The following DCLRE1A variants were observed in gnomAD, a reference collection of about 807,000 sequenced individuals.
The protein encoded by DCLRE1A is DNA cross-link repair 1A protein.
A neutral mutation model predicts 91.9 loss-of-function variants in DCLRE1A; 64 were observed. The ratio of observed to expected loss-of-function variants is 0.70; its 90% CI spans 0.57 to 0.86. The LOEUF (loss-of-function observed/expected upper bound fraction) is 0.86. DCLRE1A is among the 40% of genes least tolerant of loss of function. The probability of loss-of-function intolerance (pLI) is 0.00; values close to 1 mark genes in which losing one functional copy is unlikely to be tolerated. For missense variants in DCLRE1A, 1,145 were observed against 1,213.3 expected (o/e 0.94, Z 0.84); for synonymous variants, 416 against 431.1 (o/e 0.96, Z 0.43).
At position 113,849,389 on chromosome 10, in the gene DCLRE1A, C is replaced by A; in HGVS notation, c.1716G>T (p.Glu572Asp). 6.2e-7 allele frequency: 1 copy of A among 1,613,854 alleles called. No individual in the cohort carries two copies. The highest frequency in any genetic ancestry group is 2.2e-5 in the East Asian group (1 of 44,880). Residue 572 changes from glutamate to aspartate, a missense_variant, in exon 2 of 9, where the codon GAG becomes GAT. Transcript: ENST00000361384. The part of the protein sequence containing the change: ...YFGLPPKRKE[E>D]KLLGESALEG... ...CTAATGCACTTTCCCCTAGCAATTTCTCTTCCTTTCTTTTGGGAGGTAGTC... is the reference window on the plus strand; with the variant it reads ...CTAATGCACTTTCCCCTAGCAATTTATCTTCCTTTCTTTTGGGAGGTAGTC...
In DCLRE1A at chr10:113,845,665, A is replaced by G. The variant is rs1300823264; in HGVS notation, c.2378+20T>C. The G allele has an allele frequency of 5.7e-6, 9 of 1,582,880 alleles. No homozygotes were observed. Among genetic ancestry groups the G allele is most frequent in the African/African-American group, 1.3e-5 (1 of 74,312 alleles). ...TTGAACATTTAAAAAATGTGCTATTAAGATGACTTTAATACTTACTGATTG... is the reference window on the plus strand; with the variant it reads ...TTGAACATTTAAAAAATGTGCTATTGAGATGACTTTAATACTTACTGATTG... On this transcript the variant is annotated intron_variant, in intron 4 of 8. Transcript: ENST00000361384.
intron 7 of DCLRE1A, 101 bp downstream of exon 7, chr10:113,841,305 G>C (rs1414148356): frequency 7.4e-7 from 1 of 1,357,848 alleles, no homozygotes; most frequent in Admixed American, 2.7e-5. Context: ...TTTACTATGG[G>C]TGACTCTATT....
Position 113,849,112 on chromosome 10 carries a change from T to G in DCLRE1A, c.1993A>C (p.Asn665His). Reference sequence around the variant, plus strand: ...GTGAAGACTTTGACTTTACTTAAATTGACTGCTTCAGATTCTGTATTAATA... The same window carrying G: ...GTGAAGACTTTGACTTTACTTAAATGGACTGCTTCAGATTCTGTATTAATA... ...HLINTESEAVNLSKVKVFTKS... is the reference protein window; with the variant it reads ...HLINTESEAVHLSKVKVFTKS... Residue 665 changes from asparagine (N) to histidine (H), a missense_variant, in exon 2 of 9, where the codon AAT (asparagine) becomes CAT (histidine). Coordinates refer to ENST00000361384, the MANE Select transcript of DCLRE1A (RefSeq NM_014881.5). The G allele has an allele frequency of 1.2e-6, 2 of 1,614,166 alleles. No individual in the cohort carries two copies. The highest frequency in any genetic ancestry group is 1.7e-6 in the Non-Finnish European group (2 of 1,180,022).
At chr10:113,839,276 G>C (rs1408421085) in intron 7 of DCLRE1A, among the ~76,000 whole-genome samples, 1 of 119,444 alleles carries the variant, frequency 8.4e-6, no homozygotes, top group Non-Finnish European at 1.6e-5. Context: ...AGTGAGCCAA[G>C]ACCATGCCAC....
At position 113,837,050 on chromosome 10, in the gene DCLRE1A, T is replaced by C. The variant is rs758644867; in HGVS notation, c.2962+12A>G. 1.9e-6 allele frequency: 3 copies of C among 1,568,106 alleles called. No individual in the cohort carries two copies. In the Admixed American group the frequency reaches 6.1e-5, roughly 32 times the overall value. On this transcript the variant is annotated intron_variant, in intron 8 of 8. Transcript: ENST00000361384. Reference sequence around the variant, plus strand: ...TATAAACACTAAAAGTGAGAAAATTTAATAACTATACCATATATTGAAATG... The same window carrying C: ...TATAAACACTAAAAGTGAGAAAATTCAATAACTATACCATATATTGAAATG...
intron 6 of DCLRE1A, 65 bp downstream of exon 6, chr10:113,842,278 C>T (rs1427644408): frequency 2.3e-6 from 3 of 1,320,370 alleles, no homozygotes; most frequent in Admixed American, 4.1e-5. Context: ...ACTGAAAGGG[C>T]ATTATGCAAA....
intron 8 of DCLRE1A, among the ~76,000 whole-genome samples, chr10:113,836,290 C>T (rs1480437823): frequency 6.6e-6 from 1 of 151,960 alleles, no homozygotes; most frequent in African/African-American, 2.4e-5. Context: ...CATGCATTTC[C>T]AGAGAGTCCT....
At chr10:113,843,976 A>C in intron 5 of DCLRE1A, 128 bp downstream of exon 5, 1 of 1,317,546 alleles carries the variant, frequency 7.6e-7, no homozygotes, top group South Asian at 1.7e-5. Context: ...CATATTTTTC[A>C]AACAGCATCC....
At position 113,850,604 on chromosome 10, in the gene DCLRE1A, A is replaced by G. The variant is rs1845634017; in HGVS notation, c.501T>C (p.Phe167=). Reference sequence around the variant, plus strand: ...GGAAGTGAGTGTATCTCTTGTAATGAAAAGGAATGGTTGAGGTACACAGAA... The same window carrying G: ...GGAAGTGAGTGTATCTCTTGTAATGGAAAGGAATGGTTGAGGTACACAGAA... ...DGLLCTSTIP[F]HYKRYTHFLL... The change falls in exon 2 of 9, where the codon TTT becomes TTC. Residue 167 remains phenylalanine (F), a synonymous_variant. Coordinates refer to ENST00000361384, the MANE Select transcript of DCLRE1A (RefSeq NM_014881.5). The G allele has an allele frequency of 6.2e-7, 1 of 1,613,072 alleles. No individual in the cohort carries two copies.
chr10:113,842,214 T>C lies in DCLRE1A; in HGVS notation c.2665+129A>G, dbSNP rs1037854745. On this transcript the variant is annotated intron_variant, in intron 6 of 8. Transcript: ENST00000361384. The stretch of plus-strand genomic sequence containing the variant: ...CAAACTGTCAAATTTTCCTTCAACT[T>C]CAAAGGTAATATTGAATCATTACAG... 9 of 812,408 alleles carry C rather than the reference T, an allele frequency of 1.1e-5. No homozygotes were observed. The Admixed American group carries it at 3.0e-4, about 27-fold the overall frequency. 50.3% of individuals were successfully genotyped at this position (812,408 alleles called of 1,614,324 possible).
intron 3 of DCLRE1A, among the ~76,000 whole-genome samples, 197 bp downstream of exon 3, chr10:113,847,005 A>C (rs915661204): frequency 6.6e-6 from 1 of 152,190 alleles, no homozygotes; most frequent in Non-Finnish European, 1.5e-5. Flanking sequence ...GTTTCCATGT[A>C]ATAAGACAGA....
At chr10:113,851,173 C>T in intron 1 of DCLRE1A, among the ~76,000 whole-genome samples, 1 of 152,172 alleles carries the variant, frequency 6.6e-6, no homozygotes, top group South Asian at 2.1e-4. Flanking sequence ...ATCTATATGA[C>T]ATTTTACCCT....
Position 113,839,372 on chromosome 10 carries a change from G to C in DCLRE1A, c.2820+2034C>G, listed in dbSNP as rs139934377. On this transcript the variant is annotated intron_variant, in intron 7 of 8. Coordinates refer to ENST00000361384, the MANE Select transcript of DCLRE1A (RefSeq NM_014881.5). ...AAAAGAAATCTTCCGAAAATATTTG[G>C]GTAAATGAGGGACAGGGGAGGAAAA... 3.4e-4 allele frequency among the ~76,000 whole-genome samples: 52 copies of C among 150,888 alleles called. 1 individual carries two copies. The East Asian group carries it at 9.3e-3, about 27-fold the overall frequency.
intron 5 of DCLRE1A, among the ~76,000 whole-genome samples, chr10:113,843,875 G>A (rs986645790): frequency 7.2e-5 from 11 of 152,206 alleles, no homozygotes; most frequent in South Asian, 2.1e-4. Context: ...GGATTCTCAT[G>A]TAACATATTT....
chr10:113,851,521 T>C (rs190699165), intron 1 of DCLRE1A, among the ~76,000 whole-genome samples: 1 of 152,292 alleles, frequency 6.6e-6, no homozygotes, highest in African/African-American at 2.4e-5. Flanking sequence ...CTGTTCTCCA[T>C]ATGTATTCCA....
intron 5 of DCLRE1A, among the ~76,000 whole-genome samples, chr10:113,842,931 T>C (rs559184914): frequency 2.6e-4 from 40 of 152,010 alleles, no homozygotes; most frequent in African/African-American, 8.4e-4. Flanking sequence ...AGTGAAACAG[T>C]TTTAAATCAG....
chr10:113,837,316 A>T, intron 7 of DCLRE1A, 113 bp from the exon 8 acceptor site: 1 of 915,944 alleles, frequency 1.1e-6, no homozygotes, highest in Non-Finnish European at 1.6e-6. Flanking sequence ...ATTTTTAAGC[A>T]TTAGCTTCAA....
Position 113,840,315 on chromosome 10 carries a change from A to C in DCLRE1A, c.2820+1091T>G, listed in dbSNP as rs7897953. Among the ~76,000 whole-genome samples, 1,046 of 152,052 alleles carry C rather than the reference A, an allele frequency of 6.9e-3. 20 individuals carry two copies. Among genetic ancestry groups the C allele is most frequent in the Admixed American group, 0.026 (399 of 15,274 alleles). On this transcript the variant is annotated intron_variant, in intron 7 of 8. Transcript: ENST00000361384. Reference sequence around the variant, plus strand: ...TCTCCAAAAAAAAAAAAAACAACAAAAAAAAAAGTTTGAGTTTGTAGTAGT... The same window carrying C: ...TCTCCAAAAAAAAAAAAAACAACAACAAAAAAAGTTTGAGTTTGTAGTAGT...
At chr10:113,847,902 C>T (rs1238646199) in intron 2 of DCLRE1A, among the ~76,000 whole-genome samples, 3 of 152,158 alleles carry the variant, frequency 2.0e-5, no homozygotes, top group Non-Finnish European at 4.4e-5. Flanking sequence ...AAATACTGTT[C>T]TAAAATGTGC....
Sources: allele counts gnomAD v4.1 joint callset (sites outside exome capture counted in the v4.1 genomes callset), GRCh38; gene constraint gnomAD v4.1.1; transcripts MANE v1.5; gene names NCBI Gene and HGNC (gene_info 2026-07-23, HGNC 2026-07-21).